The following IL4I1 variants were observed in gnomAD, a reference collection of about 807,000 sequenced individuals.
IL4I1 encodes the protein L-amino-acid oxidase.
In IL4I1, 24 loss-of-function variants were observed where a neutral mutation model predicts 29.7. That is an observed-to-expected ratio of 0.81 (90% confidence interval 0.59 to 1.14). IL4I1 has a LOEUF of 1.14. IL4I1 is among the 50% of genes most tolerant of loss of function. The probability of loss-of-function intolerance (pLI) is 0.00; values close to 1 mark genes in which losing one functional copy is unlikely to be tolerated. For missense variants in IL4I1, 686 were observed against 785.6 expected, an observed-to-expected ratio of 0.87 and a Z score of 1.52; for synonymous variants, 371 against 352.5, an observed-to-expected ratio of 1.05 and a Z score of -0.59.
chr19:49,907,221 G>A, intron 2 of IL4I1: 1 of 228,394 alleles, frequency 4.4e-6, no homozygotes, highest in Non-Finnish European at 8.9e-6. Context: ...TGCCACCCAA[G>A]GTACAGGCTC....
chr19:49,907,099 C>CCGGGCT (rs2075337724), intron 2 of IL4I1: 2 of 156,582 alleles, frequency 1.3e-5, no homozygotes, highest in African/African-American at 2.4e-5. Context: ...ACAAATGTGA[C>CCGGGCT]AGGGACCGGG....
At chr19:49,909,721 A>T in intron 2 of IL4I1, 1 of 1,614,160 alleles carries the variant, frequency 6.2e-7, no homozygotes, top group South Asian at 1.1e-5. Context: ...AAAACCCTGT[A>T]GCAGGTGTGG....
chr19:49,908,401 G>A, intron 2 of IL4I1: 1 of 1,614,198 alleles, frequency 6.2e-7, no homozygotes, highest in Non-Finnish European at 8.5e-7. Flanking sequence ...GCTGCAGTGG[G>A]TCACTGGTGT....
At chr19:49,908,966 G>A in intron 2 of IL4I1, 1 of 1,609,276 alleles carries the variant, frequency 6.2e-7, no homozygotes, top group Non-Finnish European at 8.5e-7. Context: ...GCTGCTGGTG[G>A]TGGTGGCGGT....
At chr19:49,925,221 A>C (rs1419035639) in intron 2 of IL4I1, among the ~76,000 whole-genome samples, 1 of 152,092 alleles carries the variant, frequency 6.6e-6, no homozygotes, top group African/African-American at 2.4e-5. Flanking sequence ...AGATGGCACC[A>C]TTGCACTCCA....
At chr19:49,925,131 C>T (rs527801631) in intron 2 of IL4I1, among the ~76,000 whole-genome samples, 1 of 152,100 alleles carries the variant, frequency 6.6e-6, no homozygotes, top group South Asian at 2.1e-4. Flanking sequence ...TGTGGTGACA[C>T]ATGCCTGTAA....
At chr19:49,913,607 C>G (rs1328634711) in intron 2 of IL4I1, among the ~76,000 whole-genome samples, 2 of 152,254 alleles carry the variant, frequency 1.3e-5, no homozygotes, top group African/African-American at 2.4e-5. Flanking sequence ...CTCTCTCTAC[C>G]TGCAGAGGAG....
chr19:49,909,734 GTTGCCGTCT>G (rs756928160), intron 2 of IL4I1: 1 of 1,614,158 alleles, frequency 6.2e-7, no homozygotes, highest in Non-Finnish European at 8.5e-7. Context: ...AGGTGTGGTT[GTTGCCGTCT>G]TTGCAGTGCC....
At position 49,891,279 on chromosome 19, in the gene IL4I1, C is replaced by A. The variant is rs529977715; in HGVS notation, c.636+126G>T. ...GTCCAGACAGGGGGCGTGTCCAGCC[C>A]CCGGGTCAGGCAGGAAGGCGGTGGC... On this transcript the variant is annotated intron_variant, in intron 6 of 7. Coordinates refer to ENST00000391826, the MANE Select transcript of IL4I1 (RefSeq NM_152899.2). The A allele has an allele frequency of 1.2e-5, 17 of 1,412,354 alleles. No homozygotes were observed. In the Middle Eastern group the frequency reaches 8.2e-4, roughly 68 times the overall value. The allele number at this position is 1,412,354 out of a possible 1,614,324, so 87.5% of individuals were successfully genotyped here. A position where few individuals can be genotyped will look rare whatever the true frequency, so the allele number is the denominator to read the frequency against.
At chr19:49,897,837 G>T (rs2075231350), upstream of IL4I1, among the ~76,000 whole-genome samples, 1 of 151,870 alleles carries the variant, frequency 6.6e-6, no homozygotes, top group Admixed American at 6.6e-5. Context: ...TTGGGTGGGG[G>T]TTGGAGGGCA....
chr19:49,913,700 A>G (rs1484193796), intron 2 of IL4I1, among the ~76,000 whole-genome samples: 2 of 152,148 alleles, frequency 1.3e-5, no homozygotes, highest in African/African-American at 2.4e-5. Flanking sequence ...TTTCTCCATA[A>G]TAAACCGTGA....
intron 7 of IL4I1, 43 bp downstream of exon 7, chr19:49,890,928 T>TGGGGGGG: frequency 7.9e-6 from 5 of 633,176 alleles, no homozygotes; most frequent in Non-Finnish European, 7.3e-6. Flanking sequence ...TTTCCCTGAT[T>TGGGGGGG]GCCCCCCGCC....
In IL4I1 at chr19:49,890,272, G is replaced by C; in HGVS notation, c.1102C>G (p.His368Asp). ...SFRRPFWREE[H>D]IEGGHSNTDR... is the part of the protein sequence containing the mutation. Reference sequence around the variant, plus strand: ...GTGTTTGAGTGGCCGCCTTCAATGTGCTCCTCGCGCCAGAAGGGCCTGCGG... The same window carrying C: ...GTGTTTGAGTGGCCGCCTTCAATGTCCTCCTCGCGCCAGAAGGGCCTGCGG... Residue 368 changes from histidine (H) to aspartate (D), a missense_variant, in exon 8 of 8, where the codon CAC becomes GAC. Coordinates refer to ENST00000391826, the MANE Select transcript of IL4I1 (RefSeq NM_152899.2). The C allele has an allele frequency of 1.9e-6, 3 of 1,590,112 alleles. No individual in the cohort carries two copies. Among genetic ancestry groups the C allele is most frequent in the Non-Finnish European group, 1.7e-6 (2 of 1,169,146 alleles).
chr19:49,911,050 G>A (rs1461486297), intron 2 of IL4I1: 1 of 152,226 alleles, frequency 6.6e-6, no homozygotes, highest in African/African-American at 2.4e-5. Context: ...GACTACAGGT[G>A]CATGCCACCA....
At chr19:49,922,376 G>C (rs2122736206) in intron 2 of IL4I1, among the ~76,000 whole-genome samples, 1 of 152,242 alleles carries the variant, frequency 6.6e-6, no homozygotes, top group Admixed American at 6.5e-5. Context: ...CAGGCATCCT[G>C]AACCTCAGGA....
intron 2 of IL4I1, among the ~76,000 whole-genome samples, chr19:49,925,210 G>C (rs1040275747): frequency 6.6e-6 from 1 of 151,998 alleles, no homozygotes; most frequent in Admixed American, 6.6e-5. Context: ...GCGGTGAGCC[G>C]AGATGGCACC....
chr19:49,896,309 A>G (rs2075209998), intron 1 of IL4I1, 127 bp from the exon 2 acceptor site: 9 of 1,186,990 alleles, frequency 7.6e-6, no homozygotes, highest in Non-Finnish European at 1.0e-5. Flanking sequence ...TGCTCTCTGG[A>G]CCTGTGTCCC....
chr19:49,919,099 GC>G (rs1384273555), intron 2 of IL4I1, among the ~76,000 whole-genome samples: 2 of 151,346 alleles, frequency 1.3e-5, no homozygotes, highest in East Asian at 3.9e-4. Context: ...GTTGCAGTGA[GC>G]CGAGATCACA....
At chr19:49,911,539 T>C (rs1600509404) in intron 2 of IL4I1, among the ~76,000 whole-genome samples, 1 of 152,174 alleles carries the variant, frequency 6.6e-6, no homozygotes, top group East Asian at 1.9e-4. Flanking sequence ...AGGCAACCTA[T>C]CTCACTACCC....
Sources: gnomAD v4.1 joint callset for allele counts (sites outside exome capture counted in the v4.1 genomes callset) on GRCh38, gnomAD v4.1.1 for gene constraint, MANE v1.5 for transcripts, NCBI Gene and HGNC (gene_info 2026-07-23, HGNC 2026-07-21) for gene names.